The following GPR176 variants were observed in gnomAD, a reference collection of about 807,000 sequenced individuals.
The protein encoded by GPR176 is G-protein coupled receptor 176.
In GPR176, 26 loss-of-function variants were observed where a neutral mutation model predicts 35.4. The observed-to-expected ratio is 0.74, with a 90% CI of 0.54 to 1.02. The LOEUF is 1.02. Ranked by LOEUF, GPR176 falls within the 50% of genes least tolerant of loss-of-function variation. The pLI is 0.00. For synonymous variants in GPR176, 278 were observed against 271.3 expected, an observed-to-expected ratio of 1.02 and a Z score of -0.24; for missense variants, 597 against 665.3, an observed-to-expected ratio of 0.90 and a Z score of 1.13.
chr15:39,916,874 G>A (rs2033739456), intron 1 of GPR176, among the ~76,000 whole-genome samples: 1 of 152,098 alleles, frequency 6.6e-6, no homozygotes, highest in Admixed American at 6.5e-5. Flanking sequence ...CCTTGCTTCT[G>A]ACTGCACATG....
chr15:39,807,522 C>G, intron 1 of GPR176: 1 of 1,480,916 alleles, frequency 6.8e-7, no homozygotes, highest in Non-Finnish European at 9.0e-7. Flanking sequence ...AGTATTATAA[C>G]GATGGCTTAG....
At chr15:39,886,253 G>C (rs978067327) in intron 1 of GPR176, among the ~76,000 whole-genome samples, 12 of 151,766 alleles carry the variant, frequency 7.9e-5, no homozygotes, top group Admixed American at 5.9e-4. Context: ...AAGAAAGAAA[G>C]AAATGGGAAT....
chr15:39,811,385 G>A (rs187648132), intron 1 of GPR176, among the ~76,000 whole-genome samples: 2 of 152,006 alleles, frequency 1.3e-5, no homozygotes, highest in East Asian at 3.9e-4. Flanking sequence ...CTGCCATCCT[G>A]CCAGTTGTTT....
chr15:39,899,060 C>G (rs1311685533), intron 1 of GPR176, among the ~76,000 whole-genome samples: 1 of 152,188 alleles, frequency 6.6e-6, no homozygotes, highest in African/African-American at 2.4e-5. Context: ...TAGTCCCTAG[C>G]TACTCAAAAT....
chr15:39,882,204 G>A (rs574548812), intron 1 of GPR176, among the ~76,000 whole-genome samples: 2 of 152,270 alleles, frequency 1.3e-5, no homozygotes, highest in Non-Finnish European at 2.9e-5. Flanking sequence ...AACTGATAAA[G>A]CCAGTCACAA....
chr15:39,851,734 G>C (rs1208365110), intron 1 of GPR176, among the ~76,000 whole-genome samples: 2 of 152,166 alleles, frequency 1.3e-5, no homozygotes, highest in Non-Finnish European at 2.9e-5. Flanking sequence ...CACCAAAATG[G>C]TTTTCTCAGA....
chr15:39,860,161 G>A (rs1272397563), intron 1 of GPR176, among the ~76,000 whole-genome samples: 1 of 152,198 alleles, frequency 6.6e-6, no homozygotes, highest in Non-Finnish European at 1.5e-5. Flanking sequence ...ATTAACAATG[G>A]TGTGAATACA....
chr15:39,895,251 G>T (rs1293512195), intron 1 of GPR176, among the ~76,000 whole-genome samples: 39 of 144,114 alleles, frequency 2.7e-4, no homozygotes, highest in African/African-American at 1.0e-3. Context: ...GGGAGAGGGA[G>T]ACCATGGGGA....
At chr15:39,847,742 C>CAAAAAAAAA (rs34896644) in intron 1 of GPR176, among the ~76,000 whole-genome samples, 3 of 68,826 alleles carry the variant, frequency 4.4e-5, no homozygotes, top group Non-Finnish European at 7.7e-5. Flanking sequence ...GACTCTGTCT[C>CAAAAAAAAA]AAAAAAAAAA....
intron 1 of GPR176, among the ~76,000 whole-genome samples, chr15:39,874,998 C>T (rs1836848): frequency 0.14 from 20,972 of 152,144 alleles, 1,799 homozygotes; most frequent in Middle Eastern, 0.3. Context: ...GCCAAGATCG[C>T]GCCATTGCAC....
At chr15:39,830,126 T>C (rs1380052216) in intron 1 of GPR176, among the ~76,000 whole-genome samples, 2 of 152,174 alleles carry the variant, frequency 1.3e-5, no homozygotes, top group East Asian at 1.9e-4. Context: ...GAACATATTA[T>C]CAGCATTTGT....
intron 1 of GPR176, among the ~76,000 whole-genome samples, chr15:39,887,438 G>A (rs2032711402): frequency 6.6e-6 from 1 of 152,158 alleles, no homozygotes; most frequent in Admixed American, 6.5e-5. Flanking sequence ...TTGCTGGAAT[G>A]CCGCTGTGTA....
At chr15:39,809,190 C>CTAA (rs1268592325) in intron 1 of GPR176, among the ~76,000 whole-genome samples, 1 of 152,162 alleles carries the variant, frequency 6.6e-6, no homozygotes, top group Non-Finnish European at 1.5e-5. Flanking sequence ...CATGCAGAGC[C>CTAA]TAATCTCTTC....
chr15:39,903,466 G>A (rs1595520579), intron 1 of GPR176, among the ~76,000 whole-genome samples: 1 of 152,154 alleles, frequency 6.6e-6, no homozygotes, highest in East Asian at 1.9e-4. Context: ...ATTATGTCAT[G>A]GCATTTGTGA....
At chr15:39,901,919 CA>C (rs373269532) in intron 1 of GPR176, among the ~76,000 whole-genome samples, 6,924 of 138,014 alleles carry the variant, frequency 0.05, 342 homozygotes, top group African/African-American at 0.13. Flanking sequence ...ACCAAAAATA[CA>C]AAAAAAAAAA....
chr15:39,881,597 G>A lies in GPR176; in HGVS notation c.172+38258C>T, dbSNP rs991539061. 2.0e-5 allele frequency among the ~76,000 whole-genome samples: 3 copies of A among 152,308 alleles called. No individual in the cohort carries two copies. In the South Asian group the frequency reaches 6.2e-4, roughly 32 times the overall value. ...TCACCACAATCTTAAAAGCAGTACT[G>A]AGTGCAACTGGTCCCTTTTAACATA... On this transcript the variant is annotated intron_variant, in intron 1 of 2. Coordinates refer to ENST00000561100, the MANE Select transcript of GPR176 (RefSeq NM_007223.3).
intron 1 of GPR176, among the ~76,000 whole-genome samples, chr15:39,906,544 A>G (rs537319717): frequency 6.6e-6 from 1 of 152,348 alleles, no homozygotes; most frequent in East Asian, 1.9e-4. Context: ...AAAAGCTATA[A>G]GGACATCCCC....
At chr15:39,854,383 C>T (rs1476004768) in intron 1 of GPR176, among the ~76,000 whole-genome samples, 1 of 152,120 alleles carries the variant, frequency 6.6e-6, no homozygotes, top group African/African-American at 2.4e-5. Flanking sequence ...CTCTCTAATA[C>T]TATATCATAA....
At chr15:39,907,386 C>G (rs576924922) in intron 1 of GPR176, among the ~76,000 whole-genome samples, 2 of 152,210 alleles carry the variant, frequency 1.3e-5, no homozygotes, top group African/African-American at 2.4e-5. Flanking sequence ...CCCGCTCTGC[C>G]CTCCAAGCCC....
Sources: gnomAD v4.1 joint callset for allele counts (sites outside exome capture counted in the v4.1 genomes callset) on GRCh38, gnomAD v4.1.1 for gene constraint, MANE v1.5 for transcripts, NCBI Gene and HGNC (gene_info 2026-07-23, HGNC 2026-07-21) for gene names.